Variants in WDR20 observed in about 807,000 individuals in gnomAD.
The protein encoded by WDR20 is WD repeat domain 20.
A neutral mutation model predicts 38.7 loss-of-function variants in WDR20; 3 were observed. That is an observed-to-expected ratio of 0.08 (90% CI 0.04 to 0.20). WDR20 has a LOEUF of 0.20. Ranked by LOEUF, WDR20 falls within the 10% of genes least tolerant of loss-of-function variation. WDR20 has a pLI of 1.00. For missense variants in WDR20, 559 were observed against 727.7 expected (o/e 0.77, Z 2.67); for synonymous variants, 298 against 285.6 (o/e 1.04, Z -0.44).
chr14:102,210,304 T>C lies in WDR20; in HGVS notation c.*424T>C. 1 of 988,738 alleles carries C rather than the reference T, an allele frequency of 1.0e-6. No homozygotes were observed. Among genetic ancestry groups the C allele is most frequent in the African/African-American group, 1.7e-5 (1 of 57,428 alleles). The allele number at this position is 988,738 out of a possible 1,614,324, so 61.2% of individuals were successfully genotyped here. On this transcript the variant is annotated 3_prime_UTR_variant, in exon 3 of 3. Transcript: ENST00000342702. ...CTGATCAATGTGTGTTCAGCACAGATGGCCATGAATTGTCATTTATAGTCC... is the reference window on the plus strand; with the variant it reads ...CTGATCAATGTGTGTTCAGCACAGACGGCCATGAATTGTCATTTATAGTCC...
downstream of WDR20, chr14:102,214,406 C>T (rs1248230936): frequency 1.0e-6 from 1 of 985,338 alleles, no homozygotes; most frequent in Non-Finnish European, 1.2e-6. Flanking sequence ...TATGTAAAAG[C>T]ACTCGTATGC....
At chr14:102,142,715 T>TA (rs1419031000) in intron 1 of WDR20, among the ~76,000 whole-genome samples, 1 of 149,080 alleles carries the variant, frequency 6.7e-6, no homozygotes, top group Non-Finnish European at 1.5e-5. Flanking sequence ...CTCAGCCTGC[T>TA]AAAGTGCTGA....
At chr14:102,188,513 G>A (rs565921451) in intron 1 of WDR20, among the ~76,000 whole-genome samples, 4 of 152,232 alleles carry the variant, frequency 2.6e-5, no homozygotes, top group African/African-American at 9.6e-5. Flanking sequence ...AGGACCTATA[G>A]GCTCATTAGT....
chr14:102,168,237 CA>C (rs1488655678), intron 1 of WDR20, among the ~76,000 whole-genome samples: 1 of 152,136 alleles, frequency 6.6e-6, no homozygotes, highest in Non-Finnish European at 1.5e-5. Flanking sequence ...GTTAATCATT[CA>C]AATCACTAAA....
chr14:102,200,475 G>T (rs1404541194), intron 2 of WDR20, among the ~76,000 whole-genome samples: 99 of 90,832 alleles, frequency 1.1e-3, no homozygotes, highest in East Asian at 9.4e-3. Flanking sequence ...TTTTGTGTGT[G>T]TGTGTGTGTG....
At chr14:102,181,394 C>G (rs2063341642) in intron 1 of WDR20, among the ~76,000 whole-genome samples, 1 of 151,996 alleles carries the variant, frequency 6.6e-6, no homozygotes, top group African/African-American at 2.4e-5. Flanking sequence ...ATCAGAGCTC[C>G]GAGTTGAGCT....
At chr14:102,218,407 G>A (rs901128407), downstream of WDR20, among the ~76,000 whole-genome samples, 1 of 152,242 alleles carries the variant, frequency 6.6e-6, no homozygotes, top group African/African-American at 2.4e-5. Context: ...GTCCAGGCCT[G>A]ACAGAGCTTC....
chr14:102,187,343 G>A (rs2065080242), intron 1 of WDR20, among the ~76,000 whole-genome samples: 1 of 152,152 alleles, frequency 6.6e-6, no homozygotes, highest in Non-Finnish European at 1.5e-5. Flanking sequence ...ACATATTGCA[G>A]CTAATAAGTG....
intron 2 of WDR20, among the ~76,000 whole-genome samples, chr14:102,195,416 TTAAG>T (rs2059250968): frequency 6.6e-6 from 1 of 152,202 alleles, no homozygotes; most frequent in Admixed American, 6.5e-5. Flanking sequence ...TATTTATAAT[TTAAG>T]TAAGAAAATG....
At chr14:102,204,641 A>G (rs372196301) in intron 2 of WDR20, among the ~76,000 whole-genome samples, 2 of 152,164 alleles carry the variant, frequency 1.3e-5, no homozygotes, top group African/African-American at 4.8e-5. Flanking sequence ...ATATGGCGAC[A>G]ATCCCTGCCT....
At chr14:102,214,775 A>G (rs2063006962), downstream of WDR20, 5 of 979,026 alleles carry the variant, frequency 5.1e-6, no homozygotes, top group Non-Finnish European at 6.1e-6. Context: ...AACATGAAAT[A>G]TTGGTAAATT....
chr14:102,173,151 C>G (rs1033215714), intron 1 of WDR20, among the ~76,000 whole-genome samples: 3 of 151,368 alleles, frequency 2.0e-5, no homozygotes, highest in Admixed American at 1.3e-4. Flanking sequence ...CTTATTCTGT[C>G]GCGCAGGCTG....
At chr14:102,173,020 G>A (rs1381784428) in intron 1 of WDR20, among the ~76,000 whole-genome samples, 4 of 151,736 alleles carry the variant, frequency 2.6e-5, no homozygotes, top group South Asian at 2.1e-4. Context: ...ATGGGCGGCC[G>A]GGCAGAGACG....
intron 1 of WDR20, among the ~76,000 whole-genome samples, chr14:102,174,136 C>T (rs928923067): frequency 5.9e-5 from 9 of 151,626 alleles, no homozygotes; most frequent in Admixed American, 3.3e-4. Flanking sequence ...TTTCTTTATC[C>T]ACCTGATTGA....
At position 102,221,025 on chromosome 14, in the gene WDR20, C is replaced by G. The variant is rs1197691827; in HGVS notation, c.1693-1805C>G. 6.6e-6 allele frequency among the ~76,000 whole-genome samples: 1 copy of G among 152,228 alleles called. No homozygotes were observed. The highest frequency in any genetic ancestry group is 1.5e-5 in the Non-Finnish European group (1 of 68,032). On this transcript the variant is annotated intron_variant, in intron 3 of 3. Coordinates refer to the WDR20 transcript ENST00000335263. This position sits in a 1 kb window ranked among gnomAD's most constrained non-coding sequence, Gnocchi z 4.8. Reference sequence around the variant, plus strand: ...CAAGTAATCTCCCCACCTCAGCCTCCCACAGGGCTGGCTGTCACTTGTTTT... The same window carrying G: ...CAAGTAATCTCCCCACCTCAGCCTCGCACAGGGCTGGCTGTCACTTGTTTT...
chr14:102,159,598 C>G (rs2058202065), intron 1 of WDR20, among the ~76,000 whole-genome samples: 1 of 152,162 alleles, frequency 6.6e-6, no homozygotes, highest in African/African-American at 2.4e-5. Context: ...CTTTGGGAGG[C>G]TGAGGTGGGC....
At chr14:102,193,442 T>G (rs2058881602) in intron 1 of WDR20, 2 of 1,611,132 alleles carry the variant, frequency 1.2e-6, no homozygotes, top group East Asian at 4.5e-5. Context: ...CATGTATATA[T>G]TCTCTTATTT....
chr14:102,146,291 A>T (rs1379544109), intron 1 of WDR20, among the ~76,000 whole-genome samples: 2 of 152,020 alleles, frequency 1.3e-5, no homozygotes, highest in Non-Finnish European at 2.9e-5. Context: ...CAGCCTCCGA[A>T]GTAGCTGGGA....
At position 102,221,303 on chromosome 14, in the gene WDR20, G is replaced by A. The variant is rs1194635913; in HGVS notation, c.1693-1527G>A. On this transcript the variant is annotated intron_variant, in intron 3 of 3. Coordinates refer to the WDR20 transcript ENST00000335263. This position sits in a 1 kb window ranked among gnomAD's most constrained non-coding sequence, Gnocchi z 4.8. Reference sequence around the variant, plus strand: ...TTCTGTTGCCGGGGGGAAGGGAGGTGCCTCCTGGTTCTGGAGATTTGTCAC... The same window carrying A: ...TTCTGTTGCCGGGGGGAAGGGAGGTACCTCCTGGTTCTGGAGATTTGTCAC... 2.0e-5 allele frequency among the ~76,000 whole-genome samples: 3 copies of A among 152,350 alleles called. No individual in the cohort carries two copies. Among genetic ancestry groups the A allele is most frequent in the East Asian group, 1.9e-4 (1 of 5,184 alleles).
Sources: allele counts gnomAD v4.1 joint callset (sites outside exome capture counted in the v4.1 genomes callset), GRCh38; gene constraint gnomAD v4.1.1; non-coding constraint Gnocchi (gnomAD v3.1); transcripts MANE v1.5; gene names NCBI Gene and HGNC (gene_info 2026-07-23, HGNC 2026-07-21).